The following SRGAP1 variants were observed in gnomAD, a reference collection of about 807,000 sequenced individuals.
SRGAP1 encodes the protein SLIT-ROBO Rho GTPase activating protein 1.
Under a neutral mutation model 121.9 loss-of-function variants are expected in SRGAP1, and 43 were observed. The ratio of observed to expected loss-of-function variants is 0.35; its 90% confidence interval spans 0.28 to 0.46. The LOEUF (loss-of-function observed/expected upper bound fraction) is 0.46, where lower values mean the gene tolerates loss of function less well. Among genes scored for constraint, SRGAP1 ranks in the 20% least tolerant of loss-of-function variants. The pLI is 1.00. For synonymous variants in SRGAP1, 447 were observed against 485.4 expected (o/e 0.92, Z 1.04); for missense variants, 1,102 against 1,350.9 (o/e 0.82, Z 2.89).
intron 1 of SRGAP1, among the ~76,000 whole-genome samples, chr12:63,962,755 A>G (rs892581545): frequency 1.3e-5 from 2 of 152,118 alleles, no homozygotes; most frequent in African/African-American, 2.4e-5. Flanking sequence ...AAACTACTCT[A>G]TAGAACTGCA....
intron 3 of SRGAP1, among the ~76,000 whole-genome samples, chr12:64,011,503 G>T (rs1478673747): frequency 6.6e-6 from 1 of 152,098 alleles, no homozygotes; most frequent in Non-Finnish European, 1.5e-5. Context: ...TTTCATGTCT[G>T]GGAATTGGCT....
At chr12:64,066,791 TG>T (rs755722067) in intron 8 of SRGAP1, among the ~76,000 whole-genome samples, 65 of 152,328 alleles carry the variant, frequency 4.3e-4, no homozygotes, top group Non-Finnish European at 9.0e-4. Context: ...AGGCAGCGTT[TG>T]AGAGCCTAGG....
intron 18 of SRGAP1, among the ~76,000 whole-genome samples, chr12:64,120,980 C>T (rs1346912358): frequency 6.8e-6 from 1 of 147,302 alleles, no homozygotes; most frequent in East Asian, 2.0e-4. Flanking sequence ...TGTCCACTAT[C>T]TGCTAAAAAA....
chr12:64,048,161 A>T (rs1407701927), intron 6 of SRGAP1, among the ~76,000 whole-genome samples: 2 of 152,070 alleles, frequency 1.3e-5, no homozygotes, highest in Non-Finnish European at 2.9e-5. Flanking sequence ...CCCACTTCCC[A>T]ATCACCCCCA....
intron 1 of SRGAP1, among the ~76,000 whole-genome samples, chr12:63,845,458 T>C (rs1018174427): frequency 6.6e-6 from 1 of 152,196 alleles, no homozygotes; most frequent in African/African-American, 2.4e-5. Flanking sequence ...TAGTGGAATC[T>C]GACTCTTCCT....
At chr12:63,897,146 T>C (rs1476345041) in intron 1 of SRGAP1, among the ~76,000 whole-genome samples, 1 of 152,226 alleles carries the variant, frequency 6.6e-6, no homozygotes, top group Non-Finnish European at 1.5e-5. Context: ...TCACATTTTG[T>C]GATGCAAATG....
chr12:64,133,754 T>G (rs1356205059), intron 21 of SRGAP1, among the ~76,000 whole-genome samples: 1 of 152,202 alleles, frequency 6.6e-6, no homozygotes, highest in Non-Finnish European at 1.5e-5. Context: ...ATTCTCTGTT[T>G]TCATAATTCA....
intron 19 of SRGAP1, 42 bp downstream of exon 19, chr12:64,126,199 A>T (rs1210966548): frequency 1.9e-6 from 3 of 1,587,464 alleles, no homozygotes; most frequent in Non-Finnish European, 2.6e-6. Flanking sequence ...CTCCCAATAG[A>T]GGACTCCAGC....
intron 1 of SRGAP1, among the ~76,000 whole-genome samples, chr12:63,919,404 T>A (rs945665302): frequency 2.0e-5 from 3 of 151,536 alleles, no homozygotes; most frequent in African/African-American, 7.3e-5. Context: ...ATTTGTATAT[T>A]AATGATCCAC....
chr12:63,856,914 AAT>A (rs1899271122), intron 1 of SRGAP1, among the ~76,000 whole-genome samples: 1 of 152,240 alleles, frequency 6.6e-6, no homozygotes, highest in African/African-American at 2.4e-5. Context: ...CCTACCTGTG[AAT>A]ATGAGTATTC....
intron 6 of SRGAP1, among the ~76,000 whole-genome samples, chr12:64,044,748 C>T (rs911917480): frequency 3.6e-5 from 5 of 139,052 alleles, no homozygotes; most frequent in South Asian, 2.3e-4. Context: ...CTGGCACTAT[C>T]GCGGCTTACT....
intron 1 of SRGAP1, among the ~76,000 whole-genome samples, chr12:63,948,967 T>G (rs909350562): frequency 1.4e-5 from 1 of 72,632 alleles, no homozygotes; most frequent in East Asian, 5.2e-4. Context: ...ATATATATAT[T>G]TTCCATATAT....
At chr12:64,009,626 T>C (rs956738868) in intron 3 of SRGAP1, among the ~76,000 whole-genome samples, 1 of 152,170 alleles carries the variant, frequency 6.6e-6, no homozygotes, top group African/African-American at 2.4e-5. Context: ...TCAGTAATTG[T>C]AAGAGATGCC....
At chr12:63,939,956 T>G (rs2031805130) in intron 1 of SRGAP1, among the ~76,000 whole-genome samples, 1 of 151,602 alleles carries the variant, frequency 6.6e-6, no homozygotes, top group African/African-American at 2.4e-5. Flanking sequence ...TTTCTATCTC[T>G]CTTTTCTTTT....
At chr12:64,074,572 T>C (rs1216942044) in intron 8 of SRGAP1, among the ~76,000 whole-genome samples, 1 of 152,128 alleles carries the variant, frequency 6.6e-6, no homozygotes, top group Non-Finnish European at 1.5e-5. Context: ...TGCCCTTTTT[T>C]TCAGTGAACA....
chr12:63,883,682 G>A (rs1468873259), intron 1 of SRGAP1, among the ~76,000 whole-genome samples: 2 of 147,380 alleles, frequency 1.4e-5, no homozygotes, highest in Non-Finnish European at 3.0e-5. Context: ...TTTTTGAGGC[G>A]GATTCTCGCT....
In SRGAP1 at chr12:64,079,053, G is replaced by T. The variant is rs778642960; in HGVS notation, c.1260G>T (p.Leu420=). The change falls in exon 9 of 22, where the codon CTG becomes CTT. Residue 420 remains leucine (L), a synonymous_variant. Transcript: ENST00000355086. ...AGTCCACTGTCTCTGAAACCTACCT[G>T]AGTAAACCCAGCATCGCCAAGAGAA... ...SVKSTVSETY[L]SKPSIAKRRA... is the part of the protein sequence containing the mutation. The T allele has an allele frequency of 1.2e-6, 2 of 1,614,104 alleles. No homozygotes were observed. The highest frequency in any genetic ancestry group is 1.7e-6 in the Non-Finnish European group (2 of 1,180,002).
intron 3 of SRGAP1, among the ~76,000 whole-genome samples, chr12:64,005,391 C>T (rs993575625): frequency 6.6e-6 from 1 of 152,142 alleles, no homozygotes; most frequent in African/African-American, 2.4e-5. Context: ...ATCTGTAATC[C>T]CTGCACTTTG....
chr12:63,908,507 A>G (rs113354612), intron 1 of SRGAP1, among the ~76,000 whole-genome samples: 3,069 of 152,206 alleles, frequency 0.02, 115 homozygotes, highest in African/African-American at 0.069. Flanking sequence ...CTTCTGCCTC[A>G]ACCTCCTGAG....
Sources: gnomAD v4.1 joint callset for allele counts (sites outside exome capture counted in the v4.1 genomes callset) on GRCh38, gnomAD v4.1.1 for gene constraint, MANE v1.5 for transcripts, NCBI Gene and HGNC (gene_info 2026-07-23, HGNC 2026-07-21) for gene names.